FRMPD2: variants seen among roughly 807,000 people sequenced by gnomAD.
FRMPD2 encodes FERM and PDZ domain containing 2, also known as FERM and PDZ domain-containing protein 2.
In FRMPD2, 96 loss-of-function variants were observed where a neutral mutation model predicts 140.1. That is an observed-to-expected ratio of 0.69 (90% CI 0.58 to 0.81). The LOEUF (loss-of-function observed/expected upper bound fraction) is 0.81. Ranked by LOEUF, FRMPD2 falls within the 40% of genes least tolerant of loss-of-function variation. FRMPD2 has a pLI of 0.00. For synonymous variants in FRMPD2, 449 were observed against 547.6 expected, an observed-to-expected ratio of 0.82 and a Z score of 2.52; for missense variants, 1,240 against 1,447.4, an observed-to-expected ratio of 0.86 and a Z score of 2.32.
chr10:48,244,839 T>C lies in FRMPD2; in HGVS notation c.320A>G (p.Tyr107Cys), dbSNP rs760353656. 5 of 1,611,124 alleles carry C rather than the reference T, an allele frequency of 3.1e-6. No homozygotes were observed. The East Asian group carries it at 6.7e-5, about 22-fold the overall frequency. ...EQPDASQMHV[Y>C]SLGMTLYWSA... Reference sequence around the variant, plus strand: ...CCAGTAGAGGGTCATTCCTAAAGAATAGACATGCATCTGCCCAAAAGAAGA... The same window carrying C: ...CCAGTAGAGGGTCATTCCTAAAGAACAGACATGCATCTGCCCAAAAGAAGA... Residue 107 changes from tyrosine (Y) to cysteine (C), a missense_variant, in exon 4 of 29, where the codon TAT (tyrosine) becomes TGT (cysteine). This residue lies in a region of FRMPD2 where 1,161 missense variants were observed against 1,055.9 expected (regional missense o/e 1.10). Transcript: ENST00000374201.
intron 1 of FRMPD2, among the ~76,000 whole-genome samples, chr10:48,262,030 G>A (rs1198873103): frequency 1.3e-5 from 2 of 152,040 alleles, no homozygotes; most frequent in South Asian, 2.1e-4. Flanking sequence ...AAAAACACGG[G>A]AAGATCTTAA....
At chr10:48,237,089 C>T (rs1839983726) in intron 8 of FRMPD2, among the ~76,000 whole-genome samples, 1 of 150,458 alleles carries the variant, frequency 6.6e-6, no homozygotes, top group African/African-American at 2.5e-5. Flanking sequence ...ATTCTCAACC[C>T]ATTTTACAGG....
At chr10:48,272,592 G>A (rs1248160029) in intron 1 of FRMPD2, among the ~76,000 whole-genome samples, 1 of 152,194 alleles carries the variant, frequency 6.6e-6, no homozygotes, top group Non-Finnish European at 1.5e-5. Flanking sequence ...GGGAGCTTGT[G>A]ATTGGCCATG....
At chr10:48,197,660 A>G (rs956323252) in intron 15 of FRMPD2, among the ~76,000 whole-genome samples, 4 of 152,238 alleles carry the variant, frequency 2.6e-5, no homozygotes, top group African/African-American at 9.6e-5. Context: ...CGCTCTGAAC[A>G]TGAAGGGTGT....
At position 48,177,987 on chromosome 10, in the gene FRMPD2, C is replaced by T. The variant is rs545850268; in HGVS notation, c.2895+60G>A. On this transcript the variant is annotated intron_variant, in intron 22 of 28. Coordinates refer to ENST00000374201, the MANE Select transcript of FRMPD2 (RefSeq NM_001018071.4). The stretch of plus-strand genomic sequence containing the variant: ...GAGGTTGCCATCTGGGTGGAATGGC[C>T]ACCAGGTTCTAGACGGACATCTTGT... The T allele has an allele frequency of 1.2e-3, 879 of 712,446 alleles. 1 individual carries two copies. The highest frequency in any genetic ancestry group is 1.9e-3 in the Non-Finnish European group (760 of 393,956). 44.1% of individuals were successfully genotyped at this position (712,446 alleles called of 1,614,324 possible). A position where few individuals can be genotyped will look rare whatever the true frequency, so the allele number is the denominator to read the frequency against.
intron 17 of FRMPD2, 71 bp downstream of exon 17, chr10:48,187,121 T>C: frequency 2.0e-6 from 2 of 977,016 alleles, no homozygotes; most frequent in Admixed American, 2.4e-5. Context: ...TAAGTGGTGG[T>C]AAAAGACTCA....
At chr10:48,192,610 T>C in intron 16 of FRMPD2, 74 bp downstream of exon 16, 1 of 1,283,048 alleles carries the variant, frequency 7.8e-7, no homozygotes, top group Non-Finnish European at 1.1e-6. Context: ...ATAAAATAAA[T>C]CTTCAGTACA....
intron 9 of FRMPD2, among the ~76,000 whole-genome samples, chr10:48,232,836 T>C (rs146200497): frequency 1.6e-4 from 24 of 152,296 alleles, no homozygotes; most frequent in African/African-American, 5.3e-4. Flanking sequence ...CCAAAGAGCC[T>C]CCAGAGTCTG....
chr10:48,206,942 GA>G lies in FRMPD2; in HGVS notation c.1612-10del. On this transcript the variant is annotated splice_polypyrimidine_tract_variant and intron_variant, in intron 13 of 28. Coordinates refer to ENST00000374201, the MANE Select transcript of FRMPD2 (RefSeq NM_001018071.4). ...GGGAGCTGCTGAGTGACCTGGAGCA[GA>G]AAAAGGCTGATTTAGAAGAGACAGG... 6.2e-7 allele frequency: 1 copy of G among 1,612,032 alleles called. No individual in the cohort carries two copies. Among genetic ancestry groups the G allele is most frequent in the Non-Finnish European group, 8.5e-7 (1 of 1,179,036 alleles).
chr10:48,192,882 A>G lies in FRMPD2; in HGVS notation c.1967T>C (p.Phe656Ser), dbSNP rs1294666082. ...AGGACTCAAATTGGCCATTTGCACA[A>G]ACTTATCATGGTCTGAATTTGGGGA... ...PSHVLFDHDK[F>S]VQMANLSPAH... Residue 656 changes from phenylalanine to serine, a missense_variant, in exon 16 of 29, where the codon TTT (phenylalanine) becomes TCT (serine). Transcript: ENST00000374201. 5.0e-6 allele frequency: 8 copies of G among 1,613,506 alleles called. No homozygotes were observed. Among genetic ancestry groups the G allele is most frequent in the Middle Eastern group, 3.3e-4 (2 of 6,062 alleles).
intron 3 of FRMPD2, chr10:48,248,806 A>G (rs1330063823): frequency 7.4e-6 from 3 of 404,056 alleles, no homozygotes; most frequent in East Asian, 7.6e-5. Flanking sequence ...TTACCAATGT[A>G]GAAATTGGGG....
intron 15 of FRMPD2, among the ~76,000 whole-genome samples, chr10:48,198,582 T>G (rs1250848928): frequency 6.6e-6 from 1 of 152,212 alleles, no homozygotes; most frequent in Non-Finnish European, 1.5e-5. Flanking sequence ...CCATATGAAT[T>G]TTAGAATAGT....
At chr10:48,273,116 A>G (rs1840797324) in intron 1 of FRMPD2, among the ~76,000 whole-genome samples, 1 of 152,178 alleles carries the variant, frequency 6.6e-6, no homozygotes, top group Non-Finnish European at 1.5e-5. Context: ...TGAACTTATT[A>G]GATGCATATG....
chr10:48,245,238 G>C (rs145807643), intron 3 of FRMPD2, among the ~76,000 whole-genome samples: 2 of 152,196 alleles, frequency 1.3e-5, no homozygotes, highest in African/African-American at 2.4e-5. Flanking sequence ...GCAAGCATAG[G>C]ACAGAAAGCC....
At position 48,209,834 on chromosome 10, in the gene FRMPD2, T is replaced by C. The variant is rs138058310; in HGVS notation, c.1611+2120A>G. On this transcript the variant is annotated intron_variant, in intron 13 of 28. Coordinates refer to ENST00000374201, the MANE Select transcript of FRMPD2 (RefSeq NM_001018071.4). The stretch of plus-strand genomic sequence containing the variant: ...GAAAAGATGCTAACCTCAGTATTGT[T>C]TTAAATAGTCCCATATTGGAAACCA... Among the ~76,000 whole-genome samples the C allele has an allele frequency of 4.3e-3, 657 of 152,378 alleles. 3 individuals are homozygous for C. The highest frequency in any genetic ancestry group is 0.015 in the African/African-American group (637 of 41,596).
chr10:48,239,724 A>C, intron 6 of FRMPD2, 32 bp from the exon 7 acceptor site: 1 of 1,524,858 alleles, frequency 6.6e-7, no homozygotes, highest in South Asian at 1.1e-5. Flanking sequence ...GGGTATGGGC[A>C]GAAGCCAAGA....
At chr10:48,272,545 A>T (rs968724950) in intron 1 of FRMPD2, among the ~76,000 whole-genome samples, 2 of 152,238 alleles carry the variant, frequency 1.3e-5, no homozygotes, top group Admixed American at 6.5e-5. Context: ...GTGCTGGTGC[A>T]CAGCCCTTCC....
At chr10:48,167,838 G>A (rs1838138257) in intron 27 of FRMPD2, among the ~76,000 whole-genome samples, 1 of 151,530 alleles carries the variant, frequency 6.6e-6, no homozygotes, top group African/African-American at 2.4e-5. Context: ...TAATGTAGTG[G>A]GCCTCATGCT....
At chr10:48,177,876 T>C (rs1838448691) in intron 22 of FRMPD2, 171 bp downstream of exon 22, 2 of 503,832 alleles carry the variant, frequency 4.0e-6, no homozygotes, top group Admixed American at 6.4e-5. Context: ...AGTACCTCTG[T>C]TTGTCTCTGA....
Sources: allele counts gnomAD v4.1 joint callset (sites outside exome capture counted in the v4.1 genomes callset), GRCh38; gene constraint gnomAD v4.1.1; regional missense constraint gnomAD v4.1.1; transcripts MANE v1.5; gene names NCBI Gene and HGNC (gene_info 2026-07-23, HGNC 2026-07-21).